Variants in SCAI observed in about 807,000 individuals in gnomAD.
SCAI encodes protein SCAI.
In SCAI, 24 loss-of-function variants were observed where a neutral mutation model predicts 92.2. That is an observed-to-expected ratio of 0.26 (90% CI 0.19 to 0.37). SCAI has a LOEUF of 0.37. Among genes scored for constraint, SCAI ranks in the 10% least tolerant of loss-of-function variants. SCAI has a pLI of 1.00. For synonymous variants in SCAI, 261 were observed against 258.6 expected (o/e 1.01, Z -0.09); for missense variants, 450 against 736.2 (o/e 0.61, Z 4.50).
chr9:125,130,056 G>A (rs913921241), intron 2 of SCAI, among the ~76,000 whole-genome samples: 3 of 151,070 alleles, frequency 2.0e-5, no homozygotes. Flanking sequence ...CCACCACCAC[G>A]CCCAGCTAAT....
At position 125,077,144 on chromosome 9, in the gene SCAI, T is replaced by C. The variant is rs954304656; in HGVS notation, c.99-21137A>G. On this transcript the variant is annotated intron_variant, in intron 2 of 17. Transcript: ENST00000336505. ...ACAGAGCCAGTCCCCACTCATATGG[T>C]CATATGATGTATTCCGTCACAATTC... 9.2e-5 allele frequency among the ~76,000 whole-genome samples: 14 copies of C among 152,346 alleles called. No individual in the cohort carries two copies. In the East Asian group the frequency reaches 2.5e-3, roughly 27 times the overall value.
chr9:124,984,113 C>T (rs1831940750), intron 14 of SCAI, among the ~76,000 whole-genome samples: 1 of 152,002 alleles, frequency 6.6e-6, no homozygotes, highest in Non-Finnish European at 1.5e-5. Context: ...TGCTCAAACA[C>T]CTAAAGAATA....
intron 8 of SCAI, 69 bp downstream of exon 8, chr9:125,019,038 A>G: frequency 6.6e-7 from 1 of 1,524,092 alleles, no homozygotes. Context: ...ACATATACAC[A>G]CAATAAAAAC....
chr9:124,953,183 A>ATG (rs1831257702), intron 17 of SCAI, among the ~76,000 whole-genome samples: 1 of 152,184 alleles, frequency 6.6e-6, no homozygotes, highest in African/African-American at 2.4e-5. Flanking sequence ...TATTCCACAA[A>ATG]TGTTTACTGA....
At chr9:125,134,779 C>T (rs768393552) in intron 2 of SCAI, among the ~76,000 whole-genome samples, 7 of 152,174 alleles carry the variant, frequency 4.6e-5, no homozygotes, top group Non-Finnish European at 1.0e-4. Flanking sequence ...CAGTTTCCAG[C>T]GATTCTCCTG....
At chr9:125,081,332 G>A (rs1834212545) in intron 2 of SCAI, among the ~76,000 whole-genome samples, 1 of 152,218 alleles carries the variant, frequency 6.6e-6, no homozygotes, top group Non-Finnish European at 1.5e-5. Context: ...AATGCTGATA[G>A]TGATATGGAC....
chr9:125,031,220 T>C (rs1833067920), intron 3 of SCAI, among the ~76,000 whole-genome samples: 1 of 151,884 alleles, frequency 6.6e-6, no homozygotes, highest in Non-Finnish European at 1.5e-5. Context: ...AATCAAATTA[T>C]AAAGAGTCAA....
intron 3 of SCAI, among the ~76,000 whole-genome samples, chr9:125,053,527 ATTATG>A (rs1409291429): frequency 1.3e-5 from 2 of 152,196 alleles, no homozygotes; most frequent in African/African-American, 2.4e-5. Context: ...CCTCAAAAAC[ATTATG>A]TTAACAAAAG....
intron 3 of SCAI, among the ~76,000 whole-genome samples, chr9:125,048,047 C>T (rs566388874): frequency 2.0e-5 from 3 of 152,096 alleles, no homozygotes; most frequent in East Asian, 1.9e-4. Flanking sequence ...GGCGTGATCT[C>T]GGCTCACTGC....
chr9:124,990,965 C>A (rs949957547), intron 14 of SCAI, among the ~76,000 whole-genome samples: 1 of 152,156 alleles, frequency 6.6e-6, no homozygotes, highest in Non-Finnish European at 1.5e-5. Flanking sequence ...TGGGACCCAG[C>A]TACAAGTGGT....
intron 14 of SCAI, among the ~76,000 whole-genome samples, chr9:124,977,889 C>T (rs762280022): frequency 2.0e-5 from 3 of 152,082 alleles, no homozygotes; most frequent in Non-Finnish European, 4.4e-5. Context: ...TTCCATACTT[C>T]ATACCACACA....
intron 3 of SCAI, among the ~76,000 whole-genome samples, chr9:125,040,184 G>A (rs1477746388): frequency 1.3e-5 from 2 of 151,902 alleles, no homozygotes; most frequent in Non-Finnish European, 2.9e-5. Flanking sequence ...GGGAGAGCCC[G>A]TCTCTATAAG....
At chr9:125,109,769 C>A (rs557113544) in intron 2 of SCAI, among the ~76,000 whole-genome samples, 2 of 152,256 alleles carry the variant, frequency 1.3e-5, no homozygotes, top group South Asian at 4.1e-4. Flanking sequence ...TCACTGCAAC[C>A]GCCACCTTCC....
chr9:125,106,304 C>G (rs1212894423), intron 2 of SCAI, among the ~76,000 whole-genome samples: 1 of 150,104 alleles, frequency 6.7e-6, no homozygotes, highest in African/African-American at 2.4e-5. Context: ...AGATTCATTT[C>G]CAATGGCCTA....
chr9:125,135,523 C>T (rs186112696), intron 2 of SCAI, among the ~76,000 whole-genome samples: 96 of 152,106 alleles, frequency 6.3e-4, no homozygotes, highest in African/African-American at 2.1e-3. Flanking sequence ...CATGGTGGTG[C>T]GCCCCTGTAA....
At chr9:125,060,097 G>A (rs974025896) in intron 2 of SCAI, among the ~76,000 whole-genome samples, 1 of 152,094 alleles carries the variant, frequency 6.6e-6, no homozygotes, top group African/African-American at 2.4e-5. Context: ...ACAATTATTT[G>A]TTTTTTGAAA....
intron 14 of SCAI, among the ~76,000 whole-genome samples, chr9:124,992,434 A>G (rs1832147489): frequency 6.6e-6 from 1 of 150,390 alleles, no homozygotes; most frequent in Admixed American, 6.7e-5. Context: ...CCCAGGCTGG[A>G]GTGCAATGGC....
intron 2 of SCAI, among the ~76,000 whole-genome samples, chr9:125,127,709 C>G (rs182924122): frequency 2.0e-5 from 3 of 152,178 alleles, no homozygotes; most frequent in Admixed American, 2.0e-4. Flanking sequence ...ACAAGCTGCT[C>G]CATTTAAGAT....
intron 14 of SCAI, among the ~76,000 whole-genome samples, chr9:124,985,294 T>C (rs1309684915): frequency 6.7e-6 from 1 of 149,034 alleles, no homozygotes; most frequent in Non-Finnish European, 1.5e-5. Context: ...AAACAAAAAT[T>C]AGTTCCTGAG....
Sources: gnomAD v4.1 joint callset for allele counts (sites outside exome capture counted in the v4.1 genomes callset) on GRCh38, gnomAD v4.1.1 for gene constraint, MANE v1.5 for transcripts, NCBI Gene and HGNC (gene_info 2026-07-23, HGNC 2026-07-21) for gene names.